CASK: variants seen among roughly 807,000 people sequenced by gnomAD.
CASK encodes the protein calcium/calmodulin dependent serine protein kinase.
In CASK, 4 loss-of-function variants were observed where a neutral mutation model predicts 82.9. The ratio of observed to expected loss-of-function variants is 0.05; its 90% CI spans 0.02 to 0.11. The LOEUF is 0.11. CASK is among the 10% of genes least tolerant of loss of function. The probability of loss-of-function intolerance (pLI) is 1.00; values close to 1 mark genes in which losing one functional copy is unlikely to be tolerated. For missense variants in CASK, 358 were observed against 720.9 expected (o/e 0.50, Z 5.76); for synonymous variants, 259 against 253.5 (o/e 1.02, Z -0.20).
At chrX:41,626,508 T>C in intron 10 of CASK, 96 bp downstream of exon 10, 4 of 573,827 alleles carry the variant, frequency 7.0e-6, no homozygotes, top group Non-Finnish European at 1.2e-5. Flanking sequence ...TTGGAGGATT[T>C]AACTAAATGC....
At chrX:41,693,212 T>C (rs2067609675) in intron 5 of CASK, among the ~76,000 whole-genome samples, 1 of 111,396 alleles carries the variant, frequency 9.0e-6, no homozygotes, top group South Asian at 3.7e-4. Context: ...ACAATATAGG[T>C]GGTTCCTCTA....
At chrX:41,601,723 A>T (rs1442453379) in intron 12 of CASK, among the ~76,000 whole-genome samples, 1 of 111,473 alleles carries the variant, frequency 9.0e-6, no homozygotes, top group Non-Finnish European at 1.9e-5. Flanking sequence ...TGCCTAACCC[A>T]AGGTAATGAA....
chrX:41,787,944 T>C (rs2069646328), intron 2 of CASK, among the ~76,000 whole-genome samples: 1 of 110,212 alleles, frequency 9.1e-6, no homozygotes, highest in South Asian at 3.8e-4. Flanking sequence ...TCACTTCAGG[T>C]CAGGAGTTTG....
intron 8 of CASK, among the ~76,000 whole-genome samples, chrX:41,636,880 G>A (rs2066563298): frequency 9.0e-6 from 1 of 111,581 alleles, no homozygotes; most frequent in Admixed American, 9.5e-5. Flanking sequence ...GCAATAAAGG[G>A]CTGAAATAAT....
intron 2 of CASK, among the ~76,000 whole-genome samples, chrX:41,842,719 G>A (rs1197231489): frequency 1.8e-5 from 2 of 111,562 alleles, no homozygotes; most frequent in African/African-American, 6.5e-5. Flanking sequence ...AGCGCCAGTA[G>A]GGATTTTGAT....
chrX:41,717,210 T>G (rs923766555), intron 5 of CASK, among the ~76,000 whole-genome samples: 1 of 112,124 alleles, frequency 8.9e-6, no homozygotes, highest in Admixed American at 9.4e-5. Flanking sequence ...TAAAAACCCC[T>G]GCTTTCCTTT....
At chrX:41,850,696 T>C (rs746153860) in intron 2 of CASK, among the ~76,000 whole-genome samples, 13 of 111,551 alleles carry the variant, frequency 1.2e-4, no homozygotes, top group Non-Finnish European at 2.4e-4. Flanking sequence ...TGCTAAGCCA[T>C]GAATGAGGTC....
At position 41,633,444 on chromosome X, in the gene CASK, C is replaced by A. The variant is rs139994484; in HGVS notation, c.915+3134G>T. On this transcript the variant is annotated intron_variant, in intron 9 of 26. Coordinates refer to ENST00000378163, the MANE Select transcript of CASK (RefSeq NM_001367721.1). ...TACAGGTGTGCCCCCTCAAAAGCCC[C>A]AGACCACAGAGCACAGATTTTCCAC... Among the ~76,000 whole-genome samples, 92 of 110,836 alleles carry A rather than the reference C, an allele frequency of 8.3e-4. 1 individual carries two copies. Among genetic ancestry groups the A allele is most frequent in the African/African-American group, 2.9e-3 (89 of 30,486 alleles).
chrX:41,641,150 T>A lies in CASK; in HGVS notation c.832-4489A>T, dbSNP rs778198241. ...ACAGGCATGCGCTATCACGCCCGGC[T>A]AATTTTTGTATTTTTAGTAGAGACG... On this transcript the variant is annotated intron_variant, in intron 8 of 26. Transcript: ENST00000378163. Among the ~76,000 whole-genome samples the A allele has an allele frequency of 1.1e-4, 12 of 110,546 alleles. No homozygotes were observed. The South Asian group carries it at 4.6e-3, about 43-fold the overall frequency.
At position 41,519,259 on chromosome X, in the gene CASK, C is replaced by G. The variant is rs1396290528; in HGVS notation, c.*1161G>C. On this transcript the variant is annotated 3_prime_UTR_variant, in exon 27 of 27. Transcript: ENST00000378163. ...ATTTAAAAAAAATTGGTCAAACTGTCCTGTTAGTTATCATTTTAAAGGAAT... is the reference window on the plus strand; with the variant it reads ...ATTTAAAAAAAATTGGTCAAACTGTGCTGTTAGTTATCATTTTAAAGGAAT... 8.9e-6 allele frequency: 1 copy of G among 112,000 alleles called. No homozygotes were observed. The highest frequency in any genetic ancestry group is 3.2e-5 in the African/African-American group (1 of 30,778). The allele number at this position is 112,000 out of a possible 1,213,427, so 9.2% of individuals were successfully genotyped here.
chrX:41,684,362 A>C (rs913929292), intron 5 of CASK, among the ~76,000 whole-genome samples: 28 of 112,075 alleles, frequency 2.5e-4, no homozygotes, highest in African/African-American at 9.1e-4. Flanking sequence ...GCCAAAGTAC[A>C]TAACGAGATC....
At position 41,635,297 on chromosome X, in the gene CASK, A is replaced by G. The variant is rs371227529; in HGVS notation, c.915+1281T>C. Among the ~76,000 whole-genome samples the G allele has an allele frequency of 2.7e-5, 3 of 112,217 alleles. No homozygotes were observed. In the East Asian group the frequency reaches 8.3e-4, roughly 31 times the overall value. ...GCCTAATAGTTTCCTCAAAATTCAT[A>G]TAAATGTTTTTATAAGTCTAGAGTT... On this transcript the variant is annotated intron_variant, in intron 9 of 26. Transcript: ENST00000378163.
chrX:41,613,205 GA>G (rs1320886844), intron 11 of CASK, among the ~76,000 whole-genome samples: 1 of 111,815 alleles, frequency 8.9e-6, no homozygotes, highest in African/African-American at 3.2e-5. Context: ...GAAAGGTGGG[GA>G]AAAGATTGAG....
chrX:41,730,788 A>AC (rs1167951152), intron 5 of CASK, among the ~76,000 whole-genome samples: 2 of 110,386 alleles, frequency 1.8e-5, no homozygotes, highest in South Asian at 3.9e-4. Flanking sequence ...TGCAACCTCC[A>AC]CCCCCCCGGG....
At chrX:41,858,955 T>C (rs989412689) in intron 1 of CASK, among the ~76,000 whole-genome samples, 1 of 111,478 alleles carries the variant, frequency 9.0e-6, no homozygotes, top group African/African-American at 3.3e-5. Flanking sequence ...TCAAACATAA[T>C]AAAGTCAATA....
intron 8 of CASK, among the ~76,000 whole-genome samples, chrX:41,648,637 C>T (rs779781436): frequency 6.3e-5 from 7 of 111,070 alleles, no homozygotes; most frequent in African/African-American, 9.8e-5. Flanking sequence ...TCATGCCGGC[C>T]GACGCTTAAG....
At chrX:41,555,983 C>A in intron 19 of CASK, 1 of 158,520 alleles carries the variant, frequency 6.3e-6, no homozygotes, top group Non-Finnish European at 1.2e-5. Flanking sequence ...TCACTGCAAC[C>A]ATTTAGATTT....
chrX:41,922,255 C>G (rs887169140), intron 1 of CASK, among the ~76,000 whole-genome samples: 1 of 111,562 alleles, frequency 9.0e-6, no homozygotes, highest in African/African-American at 3.3e-5. Context: ...TCTAGACCAG[C>G]CCGGTGACTC....
intron 2 of CASK, among the ~76,000 whole-genome samples, chrX:41,824,490 C>G (rs1295794963): frequency 1.8e-5 from 2 of 112,553 alleles, no homozygotes; most frequent in Admixed American, 9.4e-5. Flanking sequence ...TTTTTCTCAT[C>G]AGGCTCCTGC....
Sources: allele counts gnomAD v4.1 joint callset (sites outside exome capture counted in the v4.1 genomes callset), GRCh38; gene constraint gnomAD v4.1.1; transcripts MANE v1.5; gene names NCBI Gene and HGNC (gene_info 2026-07-23, HGNC 2026-07-21).